Variants in MYOCOS observed in about 807,000 individuals in gnomAD.
MYOCOS encodes the protein myocilin opposite strand, also known as myocilin opposite strand protein.
At chr1:171,600,916 A>G (rs1434984012) in exon 1 of MYOCOS, 1 of 152,264 alleles carries the variant, frequency 6.6e-6, no homozygotes, top group African/African-American at 2.4e-5. Flanking sequence ...CCGGCTGGTC[A>G]TGCTACATTT....
At chr1:171,602,656 T>C (rs1279588555) in intron 1 of MYOCOS, among the ~76,000 whole-genome samples, 1 of 152,180 alleles carries the variant, frequency 6.6e-6, no homozygotes, top group Admixed American at 6.5e-5. Flanking sequence ...TAAATATGTC[T>C]ACAAGGTTTT....
At chr1:171,620,540 A>G (rs554814368), upstream of MYOCOS, among the ~76,000 whole-genome samples, 3 of 152,188 alleles carry the variant, frequency 2.0e-5, no homozygotes, top group Non-Finnish European at 4.4e-5. Flanking sequence ...AACATTTGTC[A>G]TCTATTGTCT....
chr1:171,621,757 G>A (rs1652581764), upstream of MYOCOS, among the ~76,000 whole-genome samples: 1 of 152,050 alleles, frequency 6.6e-6, no homozygotes, highest in African/African-American at 2.4e-5. Flanking sequence ...GATCACTTGA[G>A]GCCAGGAGTT....
At chr1:171,617,270 G>A (rs1652467152), upstream of MYOCOS, among the ~76,000 whole-genome samples, 1 of 152,118 alleles carries the variant, frequency 6.6e-6, no homozygotes. Context: ...AGCATGGACT[G>A]GAACCTGACC....
In MYOCOS at chr1:171,625,497, A is replaced by G. The variant is rs561215877; in HGVS notation, c.96-957A>G. Among the ~76,000 whole-genome samples the G allele has an allele frequency of 7.2e-5, 11 of 152,364 alleles. No individual in the cohort carries two copies. The South Asian group carries it at 2.3e-3, about 32-fold the overall frequency. The stretch of plus-strand genomic sequence containing the variant: ...GAGATTCTACATGTGGTTAGTTTCT[A>G]GGTAATTTCTAGTCCCTGGAACATA... On this transcript the variant is annotated intron_variant, in intron 2 of 2. Transcript: ENST00000637642.
intron 1 of MYOCOS, among the ~76,000 whole-genome samples, chr1:171,608,622 C>T (rs538241188): frequency 2.0e-5 from 3 of 151,762 alleles, no homozygotes; most frequent in Non-Finnish European, 2.9e-5. Context: ...GGGGTTTCAC[C>T]GTGTTAGCCA....
At chr1:171,616,408 T>G (rs966172659) in intron 2 of MYOCOS, among the ~76,000 whole-genome samples, 1 of 151,760 alleles carries the variant, frequency 6.6e-6, no homozygotes, top group Non-Finnish European at 1.5e-5. Flanking sequence ...AGTGTGGTGG[T>G]GCACACCTGT....
intron 1 of MYOCOS, among the ~76,000 whole-genome samples, chr1:171,611,771 G>A (rs976543518): frequency 6.6e-6 from 1 of 152,132 alleles, no homozygotes; most frequent in Admixed American, 6.5e-5. Flanking sequence ...GGCCTACCAG[G>A]CATTGTGCTT....
At chr1:171,620,930 G>A (rs781224827), upstream of MYOCOS, among the ~76,000 whole-genome samples, 17 of 151,326 alleles carry the variant, frequency 1.1e-4, no homozygotes, top group South Asian at 2.1e-4. Context: ...CCACCACGCC[G>A]GGCTAATTTT....
At chr1:171,618,680 A>G (rs938134825), upstream of MYOCOS, among the ~76,000 whole-genome samples, 7 of 152,152 alleles carry the variant, frequency 4.6e-5, no homozygotes, top group Non-Finnish European at 7.3e-5. Context: ...GGTTCAAGCA[A>G]TTCTCCTGTC....
chr1:171,616,527 T>A (rs1652453443), intron 2 of MYOCOS, among the ~76,000 whole-genome samples: 1 of 151,744 alleles, frequency 6.6e-6, no homozygotes, highest in Non-Finnish European at 1.5e-5. Flanking sequence ...GGTGACAGAG[T>A]GAGACTCTGT....
chr1:171,614,257 T>A (rs1008877560), intron 1 of MYOCOS, among the ~76,000 whole-genome samples: 1 of 152,074 alleles, frequency 6.6e-6, no homozygotes, highest in Non-Finnish European at 1.5e-5. Context: ...ACAAATGGTG[T>A]TAGGTCAAGT....
At chr1:171,610,017 A>T (rs999435624) in intron 1 of MYOCOS, among the ~76,000 whole-genome samples, 1 of 152,250 alleles carries the variant, frequency 6.6e-6, no homozygotes, top group Non-Finnish European at 1.5e-5. Flanking sequence ...GTCTCTCCAC[A>T]GGGATGCCTC....
intron 2 of MYOCOS, among the ~76,000 whole-genome samples, chr1:171,624,612 G>T (rs35873128): frequency 0.51 from 76,555 of 151,080 alleles, 19,477 homozygotes; most frequent in African/African-American, 0.57. Context: ...AATATTTTGT[G>T]TGTGTGTGTG....
In MYOCOS at chr1:171,623,977, A is replaced by G. The variant is rs1024833464; in HGVS notation, c.94A>G (p.Arg32Gly). 1 of 398,474 alleles carries G rather than the reference A, an allele frequency of 2.5e-6. No homozygotes were observed. The highest frequency in any genetic ancestry group is 2.1e-5 in the African/African-American group (1 of 48,614). The allele number at this position is 398,474 out of a possible 1,614,324, so 24.7% of individuals were successfully genotyped here. Residue 32 changes from arginine to glycine, a missense_variant and splice_region_variant, in exon 2 of 3, where the codon AGA becomes GGA. By Grantham distance (125) the Arg-to-Gly change is moderately radical. Transcript: ENST00000637642. The part of the protein sequence containing the change: ...VTRRRVTMIT[R>G]KEIITQKSDE... ...CAGGCGCCGAGTCACCATGATCACA[A>G]GGTACCCAAAATCTTTCCTCTGGAT...
chr1:171,608,556 T>C (rs1320196418), intron 1 of MYOCOS, among the ~76,000 whole-genome samples: 1 of 151,782 alleles, frequency 6.6e-6, no homozygotes, highest in Non-Finnish European at 1.5e-5. Flanking sequence ...TAGCTGGGAC[T>C]ACAGGCACCT....
chr1:171,603,557 A>T (rs1167571515), intron 1 of MYOCOS, among the ~76,000 whole-genome samples: 1 of 152,234 alleles, frequency 6.6e-6, no homozygotes, highest in Non-Finnish European at 1.5e-5. Context: ...TTAGTAGATG[A>T]CAGTCAATAA....
chr1:171,621,243 TTGAC>T (rs1652562296), upstream of MYOCOS, among the ~76,000 whole-genome samples: 2 of 152,148 alleles, frequency 1.3e-5, no homozygotes, highest in East Asian at 1.9e-4. Context: ...TTTACAGAGT[TTGAC>T]TGTTTTCGTT....
At chr1:171,618,708 TGGGATTA>T (rs1558081503), upstream of MYOCOS, among the ~76,000 whole-genome samples, 67 of 152,318 alleles carry the variant, frequency 4.4e-4, no homozygotes, top group African/African-American at 1.5e-3. Context: ...CCCGAGTAGC[TGGGATTA>T]CAGGTGTGGG....
Sources: allele counts gnomAD v4.1 joint callset (sites outside exome capture counted in the v4.1 genomes callset), GRCh38; gene constraint gnomAD v4.1.1; transcripts MANE v1.5; gene names NCBI Gene and HGNC (gene_info 2026-07-23, HGNC 2026-07-21).